Variants in SLC35D4 observed in about 807,000 individuals in gnomAD.
The protein encoded by SLC35D4 is UDP-N-acetylglucosamine transporter SLC35D4.
At chr18:23,388,987 CTTT>C in the SLC35D4 span, among the ~76,000 whole-genome samples, 2 of 126,176 alleles carry the variant, frequency 1.6e-5, no homozygotes, top group African/African-American at 6.2e-5. Context: ...TCAAGTAGTT[CTTT>C]TTTTTTTTTT....
the SLC35D4 span, chr18:23,257,441 G>GA: frequency 8.2e-6 from 12 of 1,464,476 alleles, no homozygotes; most frequent in African/African-American, 1.4e-5. Flanking sequence ...TACTGGAAAT[G>GA]AAAAAAAGTA....
chr18:23,243,121 T>C, the SLC35D4 span, among the ~76,000 whole-genome samples: 4 of 151,776 alleles, frequency 2.6e-5, no homozygotes, highest in Non-Finnish European at 5.9e-5. Context: ...CATTAAAAGT[T>C]ACCTGGATGA....
the SLC35D4 span, among the ~76,000 whole-genome samples, chr18:23,372,188 G>A: frequency 2.6e-4 from 40 of 151,590 alleles, no homozygotes; most frequent in African/African-American, 8.5e-4. Context: ...CGCCCGCCTC[G>A]GCCTCCCAAA....
chr18:23,383,413 G>A, the SLC35D4 span, among the ~76,000 whole-genome samples: 3 of 9,922 alleles, frequency 3.0e-4, no homozygotes, highest in Non-Finnish European at 1.2e-3. Flanking sequence ...ACGGGGGCCT[G>A]GAGAGGCCAG....
the SLC35D4 span, among the ~76,000 whole-genome samples, chr18:23,425,535 C>T: frequency 1.3e-5 from 2 of 152,210 alleles, no homozygotes; most frequent in African/African-American, 2.4e-5. Flanking sequence ...AGCTTGGCCT[C>T]GCCTACCACA....
At chr18:23,379,923 C>G in the SLC35D4 span, among the ~76,000 whole-genome samples, 1 of 152,054 alleles carries the variant, frequency 6.6e-6, no homozygotes, top group African/African-American at 2.4e-5. Flanking sequence ...TGGCGAAACC[C>G]CGTCTCTACT....
At chr18:23,399,816 G>A in the SLC35D4 span, among the ~76,000 whole-genome samples, 4 of 152,212 alleles carry the variant, frequency 2.6e-5, no homozygotes, top group African/African-American at 9.7e-5. Flanking sequence ...AGTAGTGGAG[G>A]CAGATAAAGC....
chr18:23,417,766 G>C, the SLC35D4 span, among the ~76,000 whole-genome samples: 2 of 152,234 alleles, frequency 1.3e-5, no homozygotes, highest in Non-Finnish European at 2.9e-5. Flanking sequence ...TATGAGTAAG[G>C]TAATTTTTTA....
At chr18:23,436,624 C>T in the SLC35D4 span, among the ~76,000 whole-genome samples, 7 of 151,966 alleles carry the variant, frequency 4.6e-5, no homozygotes, top group African/African-American at 1.7e-4. Flanking sequence ...GAAACCCCGT[C>T]TCTACTAAAA....
At chr18:23,359,122 G>A in the SLC35D4 span, among the ~76,000 whole-genome samples, 1 of 152,174 alleles carries the variant, frequency 6.6e-6, no homozygotes, top group South Asian at 2.1e-4. Flanking sequence ...CGCGGTGGCT[G>A]ACGCCTGTAA....
chr18:23,397,601 A>C, the SLC35D4 span, among the ~76,000 whole-genome samples: 3 of 152,192 alleles, frequency 2.0e-5, no homozygotes, highest in African/African-American at 7.2e-5. Context: ...TGAACTGGTA[A>C]ATCTTCCTTT....
At chr18:23,264,738 G>A in the SLC35D4 span, among the ~76,000 whole-genome samples, 1 of 151,760 alleles carries the variant, frequency 6.6e-6, no homozygotes, top group Non-Finnish European at 1.5e-5. Context: ...GCTTGCTGCA[G>A]GCTCAATCGA....
the SLC35D4 span, among the ~76,000 whole-genome samples, chr18:23,337,035 G>C: frequency 4.7e-4 from 71 of 150,652 alleles, no homozygotes; most frequent in African/African-American, 1.6e-3. Context: ...GTGTGTACCA[G>C]AAATTGAACC....
At chr18:23,429,858 G>C in the SLC35D4 span, among the ~76,000 whole-genome samples, 2 of 152,096 alleles carry the variant, frequency 1.3e-5, 1 homozygote, top group East Asian at 3.8e-4. Context: ...GAATTATTTA[G>C]TTTTTTTCTT....
the SLC35D4 span, among the ~76,000 whole-genome samples, chr18:23,354,944 G>C: frequency 2.0e-5 from 3 of 152,190 alleles, no homozygotes; most frequent in African/African-American, 7.2e-5. Context: ...CTGAAAAGCA[G>C]AGGGAGGCTC....
the SLC35D4 span, chr18:23,421,217 C>T: frequency 1.5e-6 from 1 of 671,552 alleles, no homozygotes; most frequent in Non-Finnish European, 2.4e-6. Flanking sequence ...GCACCCTAGC[C>T]TGGGAGACAG....
At chr18:23,302,195 CCAGACA>C in the SLC35D4 span, among the ~76,000 whole-genome samples, 1 of 152,330 alleles carries the variant, frequency 6.6e-6, no homozygotes, top group East Asian at 1.9e-4. Flanking sequence ...GCCTACGGAG[CCAGACA>C]CAGACACAGA....
At chr18:23,346,113 A>T in the SLC35D4 span, among the ~76,000 whole-genome samples, 1 of 152,128 alleles carries the variant, frequency 6.6e-6, no homozygotes, top group Non-Finnish European at 1.5e-5. Context: ...ACAAAAAAAA[A>T]AATATTTTTA....
chr18:23,372,718 T>C, the SLC35D4 span, among the ~76,000 whole-genome samples: 1 of 152,288 alleles, frequency 6.6e-6, no homozygotes, highest in East Asian at 1.9e-4. Flanking sequence ...GCCCCCTGTA[T>C]CTCGAGGACA....
Sources: allele counts gnomAD v4.1 joint callset (sites outside exome capture counted in the v4.1 genomes callset), GRCh38; gene constraint gnomAD v4.1.1; transcripts MANE v1.5; gene names NCBI Gene and HGNC (gene_info 2026-07-23, HGNC 2026-07-21).